The following TMEM131 variants were observed in gnomAD, a reference collection of about 807,000 sequenced individuals.
TMEM131 encodes 2610524E03Rik.
TMEM131 carries 66 observed loss-of-function variants against 211.6 expected under a neutral mutation model. The observed-to-expected ratio is 0.31, with a 90% CI of 0.26 to 0.38. TMEM131 has a LOEUF of 0.38. Ranked by LOEUF, TMEM131 falls within the 10% of genes least tolerant of loss-of-function variation. The pLI is 1.00. For missense variants in TMEM131, 2,036 were observed against 2,299.3 expected (o/e 0.89, Z 2.34); for synonymous variants, 844 against 841.3 (o/e 1.00, Z -0.06).
intron 11 of TMEM131, among the ~76,000 whole-genome samples, chr2:97,825,623 C>T (rs1274900403): frequency 1.3e-5 from 2 of 152,220 alleles, no homozygotes; most frequent in South Asian, 2.1e-4. Flanking sequence ...GGCCCTACTA[C>T]AAGCTCCAGC....
At chr2:97,808,258 C>A (rs1294261214) in intron 19 of TMEM131, among the ~76,000 whole-genome samples, 1 of 152,100 alleles carries the variant, frequency 6.6e-6, no homozygotes, top group African/African-American at 2.4e-5. Context: ...GATTTGGGAA[C>A]ATTTTGGATT....
chr2:97,992,629 T>C (rs1188165398), intron 1 of TMEM131, among the ~76,000 whole-genome samples: 1 of 152,240 alleles, frequency 6.6e-6, no homozygotes, highest in African/African-American at 2.4e-5. Context: ...TTACATGATA[T>C]ATAATGCTTT....
Position 97,818,645 on chromosome 2 carries a change from T to G in TMEM131, c.1151A>C (p.Lys384Thr). ...ACTAATGCTTGCAACCTTGGTGTAT[T>G]TACTTTCTGATGCTTTTAATGTAAT... ...KPITLKASES[K>T]YTKVASISFD... Residue 384 changes from lysine (K) to threonine (T), a missense_variant, in exon 12 of 41, where the codon AAA (lysine) becomes ACA (threonine). This residue lies in a region of TMEM131 where 277 missense variants were observed against 378.0 expected (regional missense o/e 0.73). Coordinates refer to ENST00000186436, the MANE Select transcript of TMEM131 (RefSeq NM_015348.2). 6.2e-7 allele frequency: 1 copy of G among 1,607,510 alleles called. No individual in the cohort carries two copies. The highest frequency in any genetic ancestry group is 8.5e-7 in the Non-Finnish European group (1 of 1,176,090).
At chr2:97,985,463 T>C (rs1354089605) in intron 1 of TMEM131, among the ~76,000 whole-genome samples, 1 of 152,012 alleles carries the variant, frequency 6.6e-6, no homozygotes, top group Non-Finnish European at 1.5e-5. Flanking sequence ...TTAATGTAAT[T>C]GTAACCAAAA....
At chr2:97,877,027 G>A (rs1674725601) in intron 4 of TMEM131, among the ~76,000 whole-genome samples, 1 of 152,160 alleles carries the variant, frequency 6.6e-6, no homozygotes, top group South Asian at 2.1e-4. Context: ...CAAAATCAAT[G>A]TGCAAAACTC....
intron 22 of TMEM131, among the ~76,000 whole-genome samples, chr2:97,803,302 T>TCCC (rs936772299): frequency 6.6e-6 from 1 of 152,148 alleles, no homozygotes; most frequent in African/African-American, 2.4e-5. Context: ...ATGGCTTTTT[T>TCCC]CCCCCTTGAT....
At chr2:97,951,507 T>C (rs374585329) in intron 1 of TMEM131, among the ~76,000 whole-genome samples, 24 of 152,304 alleles carry the variant, frequency 1.6e-4, no homozygotes, top group East Asian at 9.7e-4. Context: ...TGGGCCACTG[T>C]TGTGGGCAGA....
rs1194103924 is a variant in TMEM131 at position 97,853,430 on chromosome 2, A to C, written c.483+5874T>G. 3.4e-5 allele frequency among the ~76,000 whole-genome samples: 3 copies of C among 88,306 alleles called. No homozygotes were observed. The East Asian group carries it at 6.4e-4, about 19-fold the overall frequency. The allele number at this position is 88,306 out of a possible 152,430, so 57.9% of individuals were successfully genotyped here. A position where few individuals can be genotyped will look rare whatever the true frequency, so the allele number is the denominator to read the frequency against. On this transcript the variant is annotated intron_variant, in intron 5 of 40. Transcript: ENST00000186436. Reference sequence around the variant, plus strand: ...GCCAACATGGTGAAATCCCATCTCTACTAAAAAAAAAAAAAAAAAAAAAAA... The same window carrying C: ...GCCAACATGGTGAAATCCCATCTCTCCTAAAAAAAAAAAAAAAAAAAAAAA...
At chr2:97,873,461 C>T (rs1674572640) in intron 4 of TMEM131, among the ~76,000 whole-genome samples, 1 of 152,246 alleles carries the variant, frequency 6.6e-6, no homozygotes, top group African/African-American at 2.4e-5. Flanking sequence ...TGGGAGAAAA[C>T]TCCCAGTAGG....
At chr2:97,882,706 A>C (rs1674987065) in intron 4 of TMEM131, among the ~76,000 whole-genome samples, 1 of 152,202 alleles carries the variant, frequency 6.6e-6, no homozygotes, top group Non-Finnish European at 1.5e-5. Flanking sequence ...TCCTTATTAT[A>C]AACCCATGTG....
chr2:97,827,569 T>A (rs1682463395), intron 11 of TMEM131: 1 of 894,412 alleles, frequency 1.1e-6, no homozygotes. Flanking sequence ...TACCATGTCT[T>A]ATCAGTGGTC....
At chr2:97,949,036 T>C (rs1162907949) in intron 1 of TMEM131, among the ~76,000 whole-genome samples, 4 of 152,190 alleles carry the variant, frequency 2.6e-5, no homozygotes, top group Non-Finnish European at 4.4e-5. Context: ...ATGAAACGTA[T>C]GTGTGAATGA....
chr2:97,845,451 A>G (rs1291692656), intron 5 of TMEM131, among the ~76,000 whole-genome samples: 6 of 152,172 alleles, frequency 3.9e-5, no homozygotes, highest in Admixed American at 2.0e-4. Flanking sequence ...AAACCCTCAA[A>G]AAGTCTGAAA....
chr2:97,952,474 C>T (rs1409216879), intron 1 of TMEM131, among the ~76,000 whole-genome samples: 1 of 152,148 alleles, frequency 6.6e-6, no homozygotes, highest in African/African-American at 2.4e-5. Flanking sequence ...GACACATTAC[C>T]TATACTAGAA....
At chr2:97,773,873 C>T (rs1211937777) in intron 32 of TMEM131, among the ~76,000 whole-genome samples, 1 of 152,156 alleles carries the variant, frequency 6.6e-6, no homozygotes, top group African/African-American at 2.4e-5. Flanking sequence ...GGGCTGTGTA[C>T]TAAAAGCAAC....
At chr2:97,908,245 C>CGGAG (rs1461081521) in intron 3 of TMEM131, among the ~76,000 whole-genome samples, 2 of 152,154 alleles carry the variant, frequency 1.3e-5, no homozygotes, top group African/African-American at 4.8e-5. Context: ...TAAAAGCGGT[C>CGGAG]TCTCCAAGTC....
intron 1 of TMEM131, among the ~76,000 whole-genome samples, chr2:97,971,783 G>C (rs986331327): frequency 2.7e-5 from 4 of 150,596 alleles, no homozygotes; most frequent in Non-Finnish European, 5.9e-5. Flanking sequence ...GATTGCTTGA[G>C]CCCCAGAGGT....
intron 2 of TMEM131, among the ~76,000 whole-genome samples, chr2:97,915,936 A>C (rs1434328620): frequency 6.6e-6 from 1 of 152,096 alleles, no homozygotes; most frequent in Non-Finnish European, 1.5e-5. Context: ...TTTTAATAAA[A>C]TAAAATTTTG....
chr2:97,960,617 T>G (rs1678773165), intron 1 of TMEM131, among the ~76,000 whole-genome samples: 1 of 152,122 alleles, frequency 6.6e-6, no homozygotes, highest in African/African-American at 2.4e-5. Context: ...TAAAACGGCT[T>G]AAAAGAAATA....
Sources: allele counts gnomAD v4.1 joint callset (sites outside exome capture counted in the v4.1 genomes callset), GRCh38; gene constraint gnomAD v4.1.1; regional missense constraint gnomAD v4.1.1; transcripts MANE v1.5; gene names NCBI Gene and HGNC (gene_info 2026-07-23, HGNC 2026-07-21).